CEP250: variants seen among roughly 807,000 people sequenced by gnomAD.
CEP250 encodes centrosomal protein 250, also known as centrosome-associated protein CEP250.
A neutral mutation model predicts 315.7 loss-of-function variants in CEP250; 242 were observed. The observed-to-expected ratio is 0.77, with a 90% confidence interval of 0.69 to 0.85. The LOEUF is 0.85. Ranked by LOEUF, CEP250 falls within the 40% of genes least tolerant of loss-of-function variation. The pLI, the probability that CEP250 is intolerant of heterozygous loss-of-function variation, is 0.00. For missense variants in CEP250, 2,515 were observed against 2,886.4 expected (o/e 0.87, Z 2.95); for synonymous variants, 1,088 against 1,175.0 (o/e 0.93, Z 1.51).
At chr20:35,458,547 T>C (rs2062682630) in intron 2 of CEP250, among the ~76,000 whole-genome samples, 173 bp downstream of exon 2, 1 of 135,244 alleles carries the variant, frequency 7.4e-6, no homozygotes, top group African/African-American at 2.8e-5. Context: ...TGACACTCAT[T>C]ATCTTATTTA....
intron 5 of CEP250, among the ~76,000 whole-genome samples, chr20:35,463,838 G>A (rs946359564): frequency 2.0e-5 from 3 of 152,212 alleles, no homozygotes; most frequent in Admixed American, 2.0e-4. Flanking sequence ...TTCAAAGGAC[G>A]AAATGTAAAT....
chr20:35,458,797 T>A (rs2062688460), intron 2 of CEP250, among the ~76,000 whole-genome samples: 1 of 152,242 alleles, frequency 6.6e-6, no homozygotes, highest in Middle Eastern at 3.4e-3. Flanking sequence ...TTTTAATAAA[T>A]TTTAGTTTTA....
chr20:35,470,154 T>G (rs1245125315), intron 10 of CEP250, 168 bp downstream of exon 10: 6 of 626,556 alleles, frequency 9.6e-6, no homozygotes, highest in Admixed American at 5.8e-5. Context: ...ATTCATTTAT[T>G]CATTGAATAA....
intron 14 of CEP250, chr20:35,474,817 T>C (rs224362): frequency 0.67 from 314,793 of 470,790 alleles, 109,910 homozygotes; most frequent in Non-Finnish European, 0.75. Context: ...ATGAGAGCAA[T>C]GTTTTGGAAA....
chr20:35,498,180 C>A, intron 26 of CEP250, 113 bp downstream of exon 26: 2 of 828,564 alleles, frequency 2.4e-6, no homozygotes, highest in Non-Finnish European at 3.6e-6. Flanking sequence ...GTTAAGATTA[C>A]ATACTTGGGA....
intron 22 of CEP250, among the ~76,000 whole-genome samples, chr20:35,491,668 T>C (rs6058254): frequency 0.34 from 52,104 of 151,906 alleles, 10,330 homozygotes; most frequent in African/African-American, 0.54. Context: ...ATTGGGAGGC[T>C]GAGGCGGACA....
intron 33 of CEP250, 106 bp from the exon 34 acceptor site, chr20:35,509,890 AGC>A (rs1194444707): frequency 4.0e-6 from 4 of 988,464 alleles, no homozygotes; most frequent in Non-Finnish European, 6.5e-6. Context: ...TCTGGCCCAT[AGC>A]CCTTGCCCAG....
chr20:35,498,812 G>T, intron 27 of CEP250, 96 bp downstream of exon 27: 1 of 1,397,458 alleles, frequency 7.2e-7, no homozygotes, highest in Non-Finnish European at 9.5e-7. Context: ...TTATTCCTGA[G>T]ATCAAGTTGG....
At position 35,498,071 on chromosome 20, in the gene CEP250, A is replaced by T. The variant is rs1446112141; in HGVS notation, c.3655+4A>T. 1.9e-6 allele frequency: 3 copies of T among 1,553,140 alleles called. No homozygotes were observed. Among genetic ancestry groups the T allele is most frequent in the Middle Eastern group, 1.7e-4 (1 of 5,782 alleles). On this transcript the variant is annotated splice_donor_region_variant and intron_variant, in intron 26 of 34. Coordinates refer to ENST00000397527, the MANE Select transcript of CEP250 (RefSeq NM_007186.6). ...TCCGTCTGGGGCCTTGAGCCAGGTG[A>T]GACAGCCTCCCCAGAACTAGGTCCT...
rs758583260 is a variant in CEP250 at position 35,467,041 on chromosome 20, C to T, written c.568C>T (p.His190Tyr). 1 of 1,613,862 alleles carries T rather than the reference C, an allele frequency of 6.2e-7. No individual in the cohort carries two copies. The highest frequency in any genetic ancestry group is 8.5e-7 in the Non-Finnish European group (1 of 1,179,832). The change falls in exon 8 of 35, where the codon CAC becomes TAC. Residue 190 changes from histidine to tyrosine, a missense_variant. Physicochemically the swap from His to Tyr is moderately conservative, Grantham distance 83. Transcript: ENST00000397527. Reference protein sequence around the residue: ...LWREVVTFRRHFLEMKSATDR... With the variant: ...LWREVVTFRRYFLEMKSATDR... Reference sequence around the variant, plus strand: ...GCGGGAGGTTGTGACATTCCGACGCCACTTCCTGGAAATGAAGTCAGCTAC... The same window carrying T: ...GCGGGAGGTTGTGACATTCCGACGCTACTTCCTGGAAATGAAGTCAGCTAC...
chr20:35,494,406 A>G (rs1032504561), intron 23 of CEP250, 118 bp from the exon 24 acceptor site: 1 of 1,321,052 alleles, frequency 7.6e-7, no homozygotes, highest in Non-Finnish European at 1.1e-6. Flanking sequence ...TCGCCAGAGC[A>G]TTGGAAATGG....
chr20:35,469,172 G>A (rs974653685), intron 9 of CEP250, among the ~76,000 whole-genome samples: 6 of 152,054 alleles, frequency 3.9e-5, no homozygotes, highest in African/African-American at 1.4e-4. Flanking sequence ...AAAAAGAATA[G>A]CCATGTGGTG....
chr20:35,464,671 C>T (rs1167970091), intron 5 of CEP250, among the ~76,000 whole-genome samples: 1 of 152,094 alleles, frequency 6.6e-6, no homozygotes, highest in African/African-American at 2.4e-5. Flanking sequence ...GCCTGTAATC[C>T]CAGCACTTTG....
At chr20:35,482,367 A>C (rs2063373455) in intron 20 of CEP250, among the ~76,000 whole-genome samples, 1 of 151,830 alleles carries the variant, frequency 6.6e-6, no homozygotes, top group Non-Finnish European at 1.5e-5. Flanking sequence ...AGTAGCTGAG[A>C]CCACAGGCGC....
Position 35,466,102 on chromosome 20 carries a change from G to A in CEP250, c.390G>A (p.Val130=), listed in dbSNP as rs1245794041. 6.2e-7 allele frequency: 1 copy of A among 1,614,162 alleles called. No individual in the cohort carries two copies. The highest frequency in any genetic ancestry group is 8.5e-7 in the Non-Finnish European group (1 of 1,180,022). The change falls in exon 7 of 35, where the codon GTG becomes GTA. Residue 130 remains valine, a synonymous_variant. Coordinates refer to ENST00000397527, the MANE Select transcript of CEP250 (RefSeq NM_007186.6). ...TGCACATGGAAAAAGCTGACGTGGT[G>A]AATAAAGCCCTTAGGGAAGATGTGG... is the stretch of plus-strand genomic sequence containing the variant. ...LRLHMEKADV[V]NKALREDVEK...
intron 34 of CEP250, 128 bp from the exon 35 acceptor site, chr20:35,511,235 T>C (rs1224069407): frequency 6.8e-6 from 5 of 731,000 alleles, no homozygotes; most frequent in Non-Finnish European, 1.1e-5. Context: ...TTTCTGAGAT[T>C]CGTGTATGTG....
In CEP250 at chr20:35,476,512, C is replaced by T; in HGVS notation, c.1780C>T (p.Leu594Phe). Residue 594 changes from leucine to phenylalanine, a missense_variant, in exon 16 of 35, where the codon CTT (leucine) becomes TTT (phenylalanine). Transcript: ENST00000397527. ...CACCCTGAAGACAGAAGTAGCTGAT[C>T]TTCGGGCTGCAGCTGTCAAGCTCAG... ...ENTLKTEVAD[L>F]RAAAVKLSAL... The T allele has an allele frequency of 1.9e-6, 3 of 1,614,124 alleles. No homozygotes were observed. Among genetic ancestry groups the T allele is most frequent in the Non-Finnish European group, 2.5e-6 (3 of 1,179,966 alleles).
chr20:35,494,523 G>A lies in CEP250; in HGVS notation c.3034-1G>A. The A allele has an allele frequency of 1.2e-6, 2 of 1,613,710 alleles. No homozygotes were observed. Among genetic ancestry groups the A allele is most frequent in the Non-Finnish European group, 1.7e-6 (2 of 1,179,974 alleles). On this transcript the variant is annotated splice_acceptor_variant, in intron 23 of 34. Transcript: ENST00000397527. LOFTEE classifies it high-confidence loss of function. ...TGGTCTTCATGCCCTTAATTTTCCA[G>A]GTGGAGGACTTGAAGTCTCAGCTGG...
chr20:35,468,822 C>T (rs1235447757), intron 9 of CEP250, among the ~76,000 whole-genome samples: 7 of 152,106 alleles, frequency 4.6e-5, no homozygotes, highest in Non-Finnish European at 8.8e-5. Flanking sequence ...ATTACAGGCA[C>T]GCACCACTAT....
Sources: allele counts gnomAD v4.1 joint callset (sites outside exome capture counted in the v4.1 genomes callset), GRCh38; gene constraint gnomAD v4.1.1; transcripts MANE v1.5; gene names NCBI Gene and HGNC (gene_info 2026-07-23, HGNC 2026-07-21).